PDE6C: variants seen among roughly 807,000 people sequenced by gnomAD.
The protein encoded by PDE6C is cone cGMP-specific 3',5'-cyclic phosphodiesterase subunit alpha'.
A neutral mutation model predicts 113.1 loss-of-function variants in PDE6C; 75 were observed. The ratio of observed to expected loss-of-function variants is 0.66; its 90% CI spans 0.55 to 0.80. PDE6C has a LOEUF of 0.80. Ranked by LOEUF, PDE6C falls within the 30% of genes least tolerant of loss-of-function variation. The probability of loss-of-function intolerance (pLI) is 0.00; values close to 1 mark genes in which losing one functional copy is unlikely to be tolerated. For missense variants in PDE6C, 912 were observed against 1,038.6 expected (o/e 0.88, Z 1.67); for synonymous variants, 375 against 363.7 (o/e 1.03, Z -0.35).
At chr10:93,624,451 T>C (rs2058462780) in intron 4 of PDE6C, among the ~76,000 whole-genome samples, 1 of 152,180 alleles carries the variant, frequency 6.6e-6, no homozygotes, top group African/African-American at 2.4e-5. Context: ...TTGGCCAGAC[T>C]GGTCTCGAAC....
intron 1 of PDE6C, among the ~76,000 whole-genome samples, chr10:93,615,438 A>G (rs1307690998): frequency 6.6e-6 from 1 of 152,202 alleles, no homozygotes; most frequent in Non-Finnish European, 1.5e-5. Context: ...CTGGAGTGCG[A>G]TGGCGCTATC....
Position 93,637,000 on chromosome 10 carries a change from T to C in PDE6C, c.1419T>C (p.Phe473=). Reference sequence around the variant, plus strand: ...CAATTGCTTTTACATTTTAGAAATTTCAAGAGAAGTTAAATGTTGATGTAA... The same window carrying C: ...CAATTGCTTTTACATTTTAGAAATTCCAAGAGAAGTTAAATGTTGATGTAA... ...TPEEIKSILK[F]QEKLNVDVID... Residue 473 remains phenylalanine (F), a synonymous_variant, in exon 11 of 22, where the codon TTT becomes TTC. Transcript: ENST00000371447. The C allele has an allele frequency of 6.3e-7, 1 of 1,580,906 alleles. No homozygotes were observed. Among genetic ancestry groups the C allele is most frequent in the South Asian group, 1.1e-5 (1 of 90,256 alleles).
intron 21 of PDE6C, among the ~76,000 whole-genome samples, chr10:93,663,562 G>T (rs542325667): frequency 6.6e-6 from 1 of 152,224 alleles, no homozygotes; most frequent in Admixed American, 6.5e-5. Flanking sequence ...TGAGACCTTG[G>T]GCAGCTTGCT....
At chr10:93,622,240 G>C (rs1391780983) in intron 4 of PDE6C, among the ~76,000 whole-genome samples, 168 bp downstream of exon 4, 1 of 151,604 alleles carries the variant, frequency 6.6e-6, no homozygotes, top group African/African-American at 2.4e-5. Context: ...ATGTAGGCTT[G>C]AATCTTGGTT....
chr10:93,650,794 A>AT (rs1425397467), intron 15 of PDE6C, among the ~76,000 whole-genome samples: 4 of 152,206 alleles, frequency 2.6e-5, no homozygotes, highest in African/African-American at 9.6e-5. Flanking sequence ...TTTTTAAGCT[A>AT]TATGTGTTAA....
At chr10:93,631,310 T>C (rs1364846048) in intron 8 of PDE6C, among the ~76,000 whole-genome samples, 1 of 152,206 alleles carries the variant, frequency 6.6e-6, no homozygotes, top group Non-Finnish European at 1.5e-5. Flanking sequence ...GCTGCTGGCC[T>C]GAAATCCATG....
rs530593118 is a variant in PDE6C, at chr10:93,634,904, C to T, written c.1266C>T (p.Thr422=). The part of the protein sequence containing the change: ...KPFDEHDEYI[T]ETLTQFLGWS... ...TCGATGAGCATGATGAATACATTAC[C>T]GAGGCAAGTGCAATAATAAGATAAT... The change falls in exon 9 of 22, where the codon ACC becomes ACT. Residue 422 remains threonine, a synonymous_variant. Transcript: ENST00000371447. The T allele has an allele frequency of 2.4e-5, 38 of 1,613,770 alleles. No individual in the cohort carries two copies. The Admixed American group carries it at 4.0e-4, about 17-fold the overall frequency.
intron 1 of PDE6C, among the ~76,000 whole-genome samples, chr10:93,614,502 G>T (rs1471466459): frequency 6.6e-6 from 1 of 152,184 alleles, no homozygotes; most frequent in Non-Finnish European, 1.5e-5. Flanking sequence ...TTAGGGCAAA[G>T]TTCTCTAGAC....
chr10:93,639,684 G>T (rs187596416), intron 11 of PDE6C, among the ~76,000 whole-genome samples: 2 of 152,162 alleles, frequency 1.3e-5, no homozygotes, highest in African/African-American at 4.8e-5. Flanking sequence ...TTAAGCAGTC[G>T]TTTACTGTTT....
chr10:93,652,503 T>C (rs1372967887), intron 15 of PDE6C, among the ~76,000 whole-genome samples: 1 of 152,254 alleles, frequency 6.6e-6, no homozygotes, highest in East Asian at 1.9e-4. Context: ...TAGTGCTATA[T>C]GCAAAAGAAG....
chr10:93,640,078 C>T lies in PDE6C; in HGVS notation c.1491C>T (p.Asp497=). The change falls in exon 12 of 22, where the codon GAC becomes GAT. Residue 497 remains aspartate, a synonymous_variant. Transcript: ENST00000371447. Reference sequence around the variant, plus strand: ...CATCCTTATTTCAACAGAAAGAGGACTTGCCAGACCCACGCTCAGCAGAAC... The same window carrying T: ...CATCCTTATTTCAACAGAAAGAGGATTTGCCAGACCCACGCTCAGCAGAAC... The part of the protein sequence containing the change: ...EKQLVAILKE[D]LPDPRSAELY... The T allele has an allele frequency of 1.9e-6, 3 of 1,614,080 alleles. No homozygotes were observed. The highest frequency in any genetic ancestry group is 2.5e-6 in the Non-Finnish European group (3 of 1,179,946).
chr10:93,635,503 A>G lies in PDE6C; in HGVS notation c.1276A>G (p.Thr426Ala). 6.2e-7 allele frequency: 1 copy of G among 1,611,578 alleles called. No homozygotes were observed. Among genetic ancestry groups the G allele is most frequent in the South Asian group, 1.1e-5 (1 of 91,002 alleles). ...CACCTTTTATCCATTTCAGACTCTC[A>G]CACAATTTCTTGGATGGTCTCTTTT... ...EHDEYITETL[T>A]QFLGWSLLNT... The change falls in exon 10 of 22, where the codon ACA becomes GCA. Residue 426 changes from threonine to alanine, a missense_variant. Transcript: ENST00000371447.
chr10:93,651,129 G>T (rs2058608142), intron 15 of PDE6C, among the ~76,000 whole-genome samples: 1 of 152,096 alleles, frequency 6.6e-6, no homozygotes, highest in African/African-American at 2.4e-5. Context: ...CATAGGTTTT[G>T]CACTTGTTCC....
At chr10:93,632,627 C>G (rs1326219) in intron 8 of PDE6C, among the ~76,000 whole-genome samples, 61,432 of 151,768 alleles carry the variant, frequency 0.4, 12,523 homozygotes, top group East Asian at 0.56. Context: ...TTAACAAATA[C>G]GCATGAAGTT....
intron 1 of PDE6C, among the ~76,000 whole-genome samples, chr10:93,614,351 C>T (rs749559565): frequency 3.9e-5 from 6 of 152,198 alleles, no homozygotes; most frequent in Non-Finnish European, 8.8e-5. Context: ...CCACAGAACA[C>T]CGCTCAGGTG....
At chr10:93,664,707 T>C (rs911948621) in intron 21 of PDE6C, among the ~76,000 whole-genome samples, 1 of 152,204 alleles carries the variant, frequency 6.6e-6, no homozygotes, top group African/African-American at 2.4e-5. Flanking sequence ...CTGAGTTTTT[T>C]TGCTACTACA....
intron 14 of PDE6C, among the ~76,000 whole-genome samples, chr10:93,642,592 A>G (rs2058565170): frequency 2.0e-5 from 3 of 151,928 alleles, no homozygotes; most frequent in Non-Finnish European, 2.9e-5. Context: ...TGGGCTTTGG[A>G]GTCTTGGGTT....
At chr10:93,660,967 T>C (rs938025664) in intron 18 of PDE6C, among the ~76,000 whole-genome samples, 4 of 152,090 alleles carry the variant, frequency 2.6e-5, no homozygotes, top group Non-Finnish European at 5.9e-5. Context: ...TACTCCCCAT[T>C]GCCAGAGGTT....
At chr10:93,659,474 A>C (rs540755883) in intron 18 of PDE6C, among the ~76,000 whole-genome samples, 1 of 152,330 alleles carries the variant, frequency 6.6e-6, no homozygotes, top group East Asian at 1.9e-4. Flanking sequence ...CTGCTAATAA[A>C]GACATACCCG....
Sources: gnomAD v4.1 joint callset for allele counts (sites outside exome capture counted in the v4.1 genomes callset) on GRCh38, gnomAD v4.1.1 for gene constraint, MANE v1.5 for transcripts, NCBI Gene and HGNC (gene_info 2026-07-23, HGNC 2026-07-21) for gene names.